The following FRMPD3 variants were observed in gnomAD, a reference collection of about 807,000 sequenced individuals.
FRMPD3 encodes the protein FERM and PDZ domain containing 3.
FRMPD3 carries 42 observed loss-of-function variants against 97.9 expected under a neutral mutation model. The ratio of observed to expected loss-of-function variants is 0.43; its 90% CI spans 0.34 to 0.55. The LOEUF is 0.55. Among genes scored for constraint, FRMPD3 ranks in the 20% least tolerant of loss-of-function variants. The pLI is 0.03. For synonymous variants in FRMPD3, 577 were observed against 581.1 expected (o/e 0.99, Z 0.10); for missense variants, 1,303 against 1,457.7 (o/e 0.89, Z 1.73).
At chrX:107,504,594 G>A (rs966436599) in intron 1 of FRMPD3, among the ~76,000 whole-genome samples, 3 of 112,072 alleles carry the variant, frequency 2.7e-5, no homozygotes, top group Non-Finnish European at 3.8e-5. Flanking sequence ...TAGATTGTAC[G>A]TATACTTGGG....
At chrX:107,461,816 C>A (rs754876625) in intron 1 of FRMPD3, among the ~76,000 whole-genome samples, 6 of 107,423 alleles carry the variant, frequency 5.6e-5, no homozygotes, top group Non-Finnish European at 1.1e-4. Context: ...TATACATATA[C>A]GTGTGTGTGT....
intron 2 of FRMPD3, among the ~76,000 whole-genome samples, chrX:107,528,158 G>A (rs949923955): frequency 9.0e-6 from 1 of 111,653 alleles, no homozygotes; most frequent in Non-Finnish European, 1.9e-5. Context: ...GGGCTGGCAT[G>A]CATAGCCCTA....
intron 12 of FRMPD3, among the ~76,000 whole-genome samples, chrX:107,568,550 A>C (rs1334015672): frequency 1.0e-5 from 1 of 96,467 alleles, no homozygotes; most frequent in African/African-American, 3.9e-5. Context: ...TCTCCACTAA[A>C]TCTCCACTAA....
chrX:107,603,634 C>G lies in FRMPD3; in HGVS notation c.*261C>G. ...GGCAAAGGCCCCTCTTCACTCTGCT[C>G]ACAGCAGAGCTGTATTTTATCTCTT... On this transcript the variant is annotated 3_prime_UTR_variant, in exon 15 of 15. Coordinates refer to ENST00000683843, the MANE Select transcript of FRMPD3 (RefSeq NM_001388459.1). The G allele has an allele frequency of 5.6e-6, 2 of 359,391 alleles. No homozygotes were observed. Among genetic ancestry groups the G allele is most frequent in the Non-Finnish European group, 9.1e-6 (2 of 219,103 alleles). The allele number at this position is 359,391 out of a possible 1,213,427, so 29.6% of individuals were successfully genotyped here. A position where few individuals can be genotyped will look rare whatever the true frequency, so the allele number is the denominator to read the frequency against.
intron 1 of FRMPD3, among the ~76,000 whole-genome samples, chrX:107,464,360 G>GTT (rs200582324): frequency 6.6e-5 from 7 of 106,186 alleles, no homozygotes; most frequent in African/African-American, 2.4e-4. Context: ...TATTTATTTT[G>GTT]TTTTTTTTTG....
chrX:107,498,423 C>T (rs1921826194), intron 1 of FRMPD3, among the ~76,000 whole-genome samples: 1 of 111,912 alleles, frequency 8.9e-6, no homozygotes, highest in African/African-American at 3.3e-5. Flanking sequence ...CTGTTTTAGC[C>T]TAGTCTTCCA....
At chrX:107,464,011 T>C (rs1297690978) in intron 1 of FRMPD3, among the ~76,000 whole-genome samples, 1 of 111,735 alleles carries the variant, frequency 8.9e-6, no homozygotes, top group African/African-American at 3.3e-5. Context: ...GTAGGTAAGA[T>C]TGTGGCTCTT....
intron 1 of FRMPD3, among the ~76,000 whole-genome samples, chrX:107,457,016 G>A (rs1264934719): frequency 9.0e-6 from 1 of 111,633 alleles, no homozygotes; most frequent in Non-Finnish European, 1.9e-5. Context: ...TGGAGGTAGA[G>A]GAAACCTGAT....
chrX:107,593,036 A>C (rs768292771), intron 13 of FRMPD3, among the ~76,000 whole-genome samples: 1 of 111,380 alleles, frequency 9.0e-6, no homozygotes, highest in South Asian at 3.8e-4. Context: ...TCAGCTTCCC[A>C]AAGTGCTGGG....
At chrX:107,480,049 A>C (rs900770163) in intron 1 of FRMPD3, among the ~76,000 whole-genome samples, 5 of 110,497 alleles carry the variant, frequency 4.5e-5, no homozygotes, top group Non-Finnish European at 9.4e-5. Flanking sequence ...AAAAAAAAAA[A>C]AAACCATGAT....
At chrX:107,571,610 G>A (rs987684032) in intron 12 of FRMPD3, among the ~76,000 whole-genome samples, 8 of 111,652 alleles carry the variant, frequency 7.2e-5, no homozygotes, top group African/African-American at 2.6e-4. Flanking sequence ...GGTAAGAGGG[G>A]AAACTGAAGT....
intron 1 of FRMPD3, among the ~76,000 whole-genome samples, chrX:107,490,180 C>G: frequency 8.9e-6 from 1 of 111,949 alleles, no homozygotes; most frequent in Admixed American, 9.5e-5. Context: ...GGGCTCTGTT[C>G]TGTTCCATTG....
chrX:107,566,650 T>A (rs1922614799), intron 12 of FRMPD3, among the ~76,000 whole-genome samples: 2 of 113,248 alleles, frequency 1.8e-5, no homozygotes, highest in South Asian at 7.2e-4. Flanking sequence ...TGTCCTTAAG[T>A]GCTTTAAGAA....
chrX:107,480,234 T>C lies in FRMPD3; in HGVS notation c.-8+30229T>C, dbSNP rs138381248. ...AGATGAGTCGCAGGCTCTAAGAGCATGTGGAAGATTGGAGTGTGGTGATGG... is the reference window on the plus strand; with the variant it reads ...AGATGAGTCGCAGGCTCTAAGAGCACGTGGAAGATTGGAGTGTGGTGATGG... On this transcript the variant is annotated intron_variant, in intron 1 of 14. Coordinates refer to ENST00000683843, the MANE Select transcript of FRMPD3 (RefSeq NM_001388459.1). 2.7e-5 allele frequency among the ~76,000 whole-genome samples: 3 copies of C among 111,104 alleles called. No homozygotes were observed. In the East Asian group the frequency reaches 8.5e-4, roughly 32 times the overall value.
Position 107,495,169 on chromosome X carries a change from C to T in FRMPD3, c.-7-31413C>T, listed in dbSNP as rs1162876843. On this transcript the variant is annotated intron_variant, in intron 1 of 14. Coordinates refer to ENST00000683843, the MANE Select transcript of FRMPD3 (RefSeq NM_001388459.1). ...CCCCAGGCACATTCCATCTCTGGAC[C>T]TTTGCACGTGCTACTCCTTGTGCCT... Among the ~76,000 whole-genome samples the T allele has an allele frequency of 3.6e-5, 4 of 111,711 alleles. No homozygotes were observed. The South Asian group carries it at 1.2e-3, about 32-fold the overall frequency.
intron 1 of FRMPD3, among the ~76,000 whole-genome samples, chrX:107,519,630 G>T (rs925418630): frequency 8.9e-6 from 1 of 111,852 alleles, no homozygotes; most frequent in Non-Finnish European, 1.9e-5. Context: ...GTGAATGTGG[G>T]ACCAACTTAG....
chrX:107,569,153 C>T (rs938924726), intron 12 of FRMPD3, among the ~76,000 whole-genome samples: 3 of 109,569 alleles, frequency 2.7e-5, no homozygotes, highest in African/African-American at 6.6e-5. Context: ...AAATTAGCCA[C>T]GCATCGTGGC....
chrX:107,602,206 G>T lies in FRMPD3; in HGVS notation c.4167G>T (p.Arg1389Ser). ...GGECLGAPNY[R>S]KLMRRYSISE... ...AGTGTCTGGGAGCTCCCAATTACAG[G>T]AAACTGATGCGCCGCTACAGTATCA... The change falls in exon 15 of 15, where the codon AGG becomes AGT. Residue 1389 changes from arginine (R) to serine (S), a missense_variant. Physicochemically the swap from Arg to Ser is moderately radical, Grantham distance 110 (BLOSUM62 -1). Around this residue, in one of 3 missense-constraint regions of FRMPD3, gnomAD observed 764 missense variants for 820.2 expected, o/e 0.93. Transcript: ENST00000683843. 8.3e-7 allele frequency: 1 copy of T among 1,210,738 alleles called. No individual in the cohort carries two copies. The highest frequency in any genetic ancestry group is 1.1e-6 in the Non-Finnish European group (1 of 895,337).
chrX:107,522,403 G>A (rs765987876), intron 1 of FRMPD3: 2 of 557,597 alleles, frequency 3.6e-6, no homozygotes, highest in Non-Finnish European at 6.5e-6. Flanking sequence ...ATACAGGCTG[G>A]GCTAGGACGT....
Sources: gnomAD v4.1 joint callset for allele counts (sites outside exome capture counted in the v4.1 genomes callset) on GRCh38, gnomAD v4.1.1 for gene constraint, gnomAD v4.1.1 regional missense constraint, MANE v1.5 for transcripts, NCBI Gene and HGNC (gene_info 2026-07-23, HGNC 2026-07-21) for gene names.